HMGXB4: variants seen among roughly 807,000 people sequenced by gnomAD.
HMGXB4 encodes HMG-box containing 4.
Under a neutral mutation model 63.9 loss-of-function variants are expected in HMGXB4, and 27 were observed. That is an observed-to-expected ratio of 0.42 (90% CI 0.31 to 0.58). The LOEUF (loss-of-function observed/expected upper bound fraction) is 0.58. Among genes scored for constraint, HMGXB4 ranks in the 20% least tolerant of loss-of-function variants. The pLI is 0.13. For synonymous variants in HMGXB4, 264 were observed against 265.3 expected (o/e 0.99, Z 0.05); for missense variants, 624 against 700.7 (o/e 0.89, Z 1.24).
chr22:35,267,578 G>C (rs1923342240), intron 5 of HMGXB4, among the ~76,000 whole-genome samples: 1 of 152,022 alleles, frequency 6.6e-6, no homozygotes, highest in Non-Finnish European at 1.5e-5. Context: ...ATTTCTACTT[G>C]AATGCCTTGG....
At chr22:35,291,923 GGAGGAT>G (rs1278217591) in intron 9 of HMGXB4, among the ~76,000 whole-genome samples, 1 of 152,212 alleles carries the variant, frequency 6.6e-6, no homozygotes, top group Non-Finnish European at 1.5e-5. Context: ...ATGTTGACAA[GGAGGAT>G]GAGGGAAAGG....
chr22:35,271,620 G>T (rs957718066), intron 5 of HMGXB4, among the ~76,000 whole-genome samples: 6 of 152,172 alleles, frequency 3.9e-5, no homozygotes, highest in Admixed American at 1.3e-4. Context: ...TGCTTCCTAG[G>T]GTTGTGAGGA....
chr22:35,269,996 A>G (rs1923503148), intron 5 of HMGXB4, among the ~76,000 whole-genome samples: 1 of 152,170 alleles, frequency 6.6e-6, no homozygotes, highest in Non-Finnish European at 1.5e-5. Flanking sequence ...AGAAGAAGAA[A>G]AAAAAAAGGC....
At chr22:35,261,852 C>T (rs925087152) in intron 1 of HMGXB4, 3 of 154,092 alleles carry the variant, frequency 1.9e-5, no homozygotes, top group African/African-American at 7.2e-5. Context: ...GTTTAAATTA[C>T]AATGCAATAG....
rs372292929 is a variant in HMGXB4, at chr22:35,262,327, G to T, written c.-64G>T. ...TTTTCCTTCTTTGTTTCTCAGACCT[G>T]GTCCTGTAGACGGGAAGGAGCCTGG... On this transcript the variant is annotated 5_prime_UTR_variant, in exon 2 of 11. Coordinates refer to ENST00000216106, the MANE Select transcript of HMGXB4 (RefSeq NM_001003681.3). The T allele has an allele frequency of 1.6e-5, 24 of 1,520,786 alleles. No homozygotes were observed. The African/African-American group carries it at 3.3e-4, about 21-fold the overall frequency. The allele number at this position is 1,520,786 out of a possible 1,614,324, so 94.2% of individuals were successfully genotyped here. A position where few individuals can be genotyped will look rare whatever the true frequency, so the allele number is the denominator to read the frequency against.
chr22:35,271,117 C>T (rs1193617639), intron 5 of HMGXB4, among the ~76,000 whole-genome samples: 2 of 151,216 alleles, frequency 1.3e-5, no homozygotes, highest in East Asian at 1.9e-4. Context: ...TTTTAATTAG[C>T]CAGGCATGGT....
intron 9 of HMGXB4, among the ~76,000 whole-genome samples, chr22:35,291,999 G>T (rs1024490500): frequency 1.3e-5 from 2 of 152,194 alleles, no homozygotes; most frequent in African/African-American, 4.8e-5. Context: ...GGTGACTTTG[G>T]CAGAGAAATG....
rs528170924 is a variant in HMGXB4 at position 35,294,340 on chromosome 22, G to C, written c.*689G>C. The C allele has an allele frequency of 2.0e-5, 3 of 152,584 alleles. No homozygotes were observed. The highest frequency in any genetic ancestry group is 7.2e-5 in the African/African-American group (3 of 41,528). The allele number at this position is 152,584 out of a possible 1,614,324, so 9.5% of individuals were successfully genotyped here. A position where few individuals can be genotyped will look rare whatever the true frequency, so the allele number is the denominator to read the frequency against. On this transcript the variant is annotated 3_prime_UTR_variant, in exon 11 of 11. Coordinates refer to ENST00000216106, the MANE Select transcript of HMGXB4 (RefSeq NM_001003681.3). ...GCCCTGGCAGCAAAAAACACCTTGG[G>C]GGGTGAAGCTGTCAATGCCACCAGT...
intron 5 of HMGXB4, among the ~76,000 whole-genome samples, chr22:35,267,812 T>C (rs919905430): frequency 4.6e-5 from 7 of 152,264 alleles, no homozygotes; most frequent in Non-Finnish European, 7.3e-5. Flanking sequence ...CTTTATCATA[T>C]ACCTGCCCAT....
upstream of HMGXB4, among the ~76,000 whole-genome samples, chr22:35,255,953 A>G (rs1466843788): frequency 2.0e-5 from 3 of 152,264 alleles, no homozygotes; most frequent in Non-Finnish European, 2.9e-5. Context: ...CTGCGGAGAA[A>G]AAGGCCATGC....
intron 5 of HMGXB4, among the ~76,000 whole-genome samples, chr22:35,278,390 T>A (rs1234203989): frequency 1.3e-5 from 2 of 152,184 alleles, no homozygotes; most frequent in Non-Finnish European, 2.9e-5. Flanking sequence ...GCTGATGGAT[T>A]ATATGTTAAG....
chr22:35,293,767 A>G lies in HMGXB4; in HGVS notation c.*116A>G, dbSNP rs1925069871. The G allele has an allele frequency of 1.1e-5, 7 of 619,886 alleles. 1 individual carries two copies. Among genetic ancestry groups the G allele is most frequent in the South Asian group, 1.0e-4 (5 of 47,936 alleles). The allele number at this position is 619,886 out of a possible 1,614,324, so 38.4% of individuals were successfully genotyped here. A position where few individuals can be genotyped will look rare whatever the true frequency, so the allele number is the denominator to read the frequency against. On this transcript the variant is annotated 3_prime_UTR_variant, in exon 11 of 11. Transcript: ENST00000216106. ...CTGTAGGTTTTAAATTTTTATATCT[A>G]TACATACATATATACATATATATAT...
chr22:35,290,203 C>T (rs149122822), intron 9 of HMGXB4, among the ~76,000 whole-genome samples: 1 of 152,168 alleles, frequency 6.6e-6, no homozygotes, highest in East Asian at 1.9e-4. Context: ...TTGTTTTAAG[C>T]GTATTCTGAA....
At chr22:35,261,601 G>T (rs1397810352) in intron 1 of HMGXB4, among the ~76,000 whole-genome samples, 4 of 152,074 alleles carry the variant, frequency 2.6e-5, no homozygotes, top group African/African-American at 9.7e-5. Flanking sequence ...ATTAGTGAAG[G>T]TCTTAATAAT....
intron 5 of HMGXB4, among the ~76,000 whole-genome samples, chr22:35,270,555 G>A (rs983109459): frequency 2.0e-5 from 3 of 152,158 alleles, no homozygotes; most frequent in Non-Finnish European, 2.9e-5. Context: ...ACCGGTACCC[G>A]GTGCCAAAAA....
At chr22:35,253,612 CGCGCGT>C (rs1400817262), upstream of HMGXB4, among the ~76,000 whole-genome samples, 1 of 151,456 alleles carries the variant, frequency 6.6e-6, no homozygotes, top group Non-Finnish European at 1.5e-5. Context: ...CGCGCGCGCG[CGCGCGT>C]GTGTGTGTGT....
At position 35,293,765 on chromosome 22, in the gene HMGXB4, CTATA is replaced by C; in HGVS notation, c.*115_*118del. 1.5e-6 allele frequency: 1 copy of C among 656,228 alleles called. No individual in the cohort carries two copies. Among genetic ancestry groups the C allele is most frequent in the Non-Finnish European group, 2.7e-6 (1 of 368,118 alleles). 40.7% of individuals were successfully genotyped at this position (656,228 alleles called of 1,614,324 possible). On this transcript the variant is annotated 3_prime_UTR_variant, in exon 11 of 11. Transcript: ENST00000216106. Reference sequence around the variant, plus strand: ...GGCTGTAGGTTTTAAATTTTTATATCTATACATACATATATACATATATATATAA... The same window carrying C: ...GGCTGTAGGTTTTAAATTTTTATATCCATACATATATACATATATATATAA...
intron 5 of HMGXB4, among the ~76,000 whole-genome samples, chr22:35,272,286 T>C (rs902068469): frequency 1.2e-4 from 19 of 152,100 alleles, no homozygotes; most frequent in African/African-American, 4.6e-4. Flanking sequence ...TGGAGCTGGA[T>C]CAGGGGTTGA....
chr22:35,246,605 G>C, the HMGXB4 span, among the ~76,000 whole-genome samples: 1 of 152,312 alleles, frequency 6.6e-6, no homozygotes, highest in South Asian at 2.1e-4. Context: ...CTTGCTAGGG[G>C]GTGGCTGGCT....
Sources: allele counts gnomAD v4.1 joint callset (sites outside exome capture counted in the v4.1 genomes callset), GRCh38; gene constraint gnomAD v4.1.1; transcripts MANE v1.5; gene names NCBI Gene and HGNC (gene_info 2026-07-23, HGNC 2026-07-21).